Variants in CRB1 observed in about 807,000 individuals in gnomAD.
The protein encoded by CRB1 is crumbs cell polarity complex component 1.
In CRB1, 83 loss-of-function variants were observed where a neutral mutation model predicts 120.0. That is an observed-to-expected ratio of 0.69 (90% CI 0.58 to 0.83). The LOEUF (loss-of-function observed/expected upper bound fraction) is 0.83. Among genes scored for constraint, CRB1 ranks in the 40% least tolerant of loss-of-function variants. The pLI, the probability that CRB1 is intolerant of heterozygous loss-of-function variation, is 0.00. For synonymous variants in CRB1, 625 were observed against 612.5 expected (o/e 1.02, Z -0.30); for missense variants, 1,699 against 1,687.6 (o/e 1.01, Z -0.12).
Position 197,434,637 on chromosome 1 carries a change from TTAA to T in CRB1, c.2843-65_2843-63del, listed in dbSNP as rs1468899893. On this transcript the variant is annotated intron_variant, in intron 8 of 11. Coordinates refer to ENST00000367400, the MANE Select transcript of CRB1 (RefSeq NM_201253.3). ...GTTATTAACACAATGATCATTACTA[TTAA>T]TAACGGTAATTAAGCAAACTATAGA... 17 of 1,316,424 alleles carry T rather than the reference TTAA, an allele frequency of 1.3e-5. No individual in the cohort carries two copies. In the South Asian group the frequency reaches 1.3e-4, roughly 10 times the overall value. The allele number at this position is 1,316,424 out of a possible 1,614,324, so 81.5% of individuals were successfully genotyped here.
intron 5 of CRB1, among the ~76,000 whole-genome samples, chr1:197,411,789 G>C (rs1663726074): frequency 6.6e-6 from 1 of 152,114 alleles, no homozygotes; most frequent in South Asian, 2.1e-4. Context: ...TTTAGTTTAA[G>C]TTCAAGGGTA....
chr1:197,247,374 T>C, the CRB1 span, among the ~76,000 whole-genome samples: 2 of 152,104 alleles, frequency 1.3e-5, no homozygotes, highest in Non-Finnish European at 2.9e-5. Flanking sequence ...TGTTGTAATG[T>C]TGACCATAAG....
At chr1:197,419,961 A>G (rs577601796) in intron 5 of CRB1, among the ~76,000 whole-genome samples, 6 of 150,240 alleles carry the variant, frequency 4.0e-5, no homozygotes, top group African/African-American at 9.8e-5. Flanking sequence ...AGCCTGGGCG[A>G]CAGAGCGAGA....
chr1:197,407,427 G>A (rs1268344978), intron 5 of CRB1, among the ~76,000 whole-genome samples: 1 of 152,168 alleles, frequency 6.6e-6, no homozygotes, highest in Non-Finnish European at 1.5e-5. Flanking sequence ...TTTAGGAACA[G>A]TTTAAATGCC....
At chr1:197,260,758 G>C in the CRB1 span, among the ~76,000 whole-genome samples, 1 of 151,718 alleles carries the variant, frequency 6.6e-6, no homozygotes, top group African/African-American at 2.4e-5. Context: ...GTGCGGTAGG[G>C]AGATCCTGGC....
chr1:197,453,365 T>A (rs999270344), intron 11 of CRB1, among the ~76,000 whole-genome samples: 6 of 147,478 alleles, frequency 4.1e-5, no homozygotes, highest in Non-Finnish European at 3.0e-5. Context: ...TTAATATACA[T>A]AATTAAATTA....
intron 5 of CRB1, chr1:197,363,936 G>A: frequency 1.5e-6 from 2 of 1,317,774 alleles, no homozygotes; most frequent in Non-Finnish European, 1.1e-6. Flanking sequence ...AGGACATTAA[G>A]CTTCGGCGGT....
chr1:197,425,601 TG>T (rs746325763), intron 6 of CRB1, among the ~76,000 whole-genome samples: 1 of 152,156 alleles, frequency 6.6e-6, no homozygotes, highest in Non-Finnish European at 1.5e-5. Flanking sequence ...GCAAAATCAA[TG>T]GTCAATTCTG....
At position 197,435,524 on chromosome 1, in the gene CRB1, C is replaced by T; in HGVS notation, c.3661C>T (p.His1221Tyr). Residue 1221 changes from histidine to tyrosine, a missense_variant, in exon 9 of 12, where the codon CAC becomes TAC. Physicochemically the swap from His to Tyr is moderately conservative, Grantham distance 83 (BLOSUM62 2). Transcript: ENST00000367400. ...AGTGGATATAGACAACTGCCAGAGT[C>T]ACCAGTGTGCAAATGGAGCCACCTG... is the stretch of plus-strand genomic sequence containing the variant. ...CEVDIDNCQS[H>Y]QCANGATCIS... 1 of 1,612,712 alleles carries T rather than the reference C, an allele frequency of 6.2e-7. No individual in the cohort carries two copies. Among genetic ancestry groups the T allele is most frequent in the Non-Finnish European group, 8.5e-7 (1 of 1,179,324 alleles).
At chr1:197,431,511 A>G (rs913645413) in intron 8 of CRB1, among the ~76,000 whole-genome samples, 2 of 152,198 alleles carry the variant, frequency 1.3e-5, no homozygotes, top group African/African-American at 4.8e-5. Flanking sequence ...TAGAAATACT[A>G]AAGTTGTTAG....
chr1:197,451,214 A>T (rs1273152348), intron 11 of CRB1, among the ~76,000 whole-genome samples: 1 of 152,212 alleles, frequency 6.6e-6, no homozygotes, highest in Non-Finnish European at 1.5e-5. Flanking sequence ...GACATTTCTT[A>T]AGCATCTGTG....
In CRB1 at chr1:197,375,953, A is replaced by C. The variant is rs113885737; in HGVS notation, c.1171+18940A>C. Among the ~76,000 whole-genome samples, 481 of 152,218 alleles carry C rather than the reference A, an allele frequency of 3.2e-3. 1 individual carries two copies. Among genetic ancestry groups the C allele is most frequent in the African/African-American group, 0.011 (441 of 41,534 alleles). On this transcript the variant is annotated intron_variant, in intron 5 of 11. Transcript: ENST00000367400. ...AAGGCAGTTTTTGTTACTTCGGTGAAAACTTCCCTGTCAACAATTTCCATT... is the reference window on the plus strand; with the variant it reads ...AAGGCAGTTTTTGTTACTTCGGTGACAACTTCCCTGTCAACAATTTCCATT...
chr1:197,210,630 T>C, the CRB1 span, among the ~76,000 whole-genome samples: 61 of 152,132 alleles, frequency 4.0e-4, no homozygotes, highest in South Asian at 0.012. Context: ...TTGCTTCTGC[T>C]TGTCTGGAAA....
At chr1:197,357,332 G>A (rs947670538) in intron 5 of CRB1, 5 of 388,044 alleles carry the variant, frequency 1.3e-5, no homozygotes, top group Non-Finnish European at 1.9e-5. Context: ...TATCAAATTT[G>A]ATAATGATGT....
At chr1:197,255,962 A>ATT in the CRB1 span, among the ~76,000 whole-genome samples, 32 of 38,710 alleles carry the variant, frequency 8.3e-4, no homozygotes, top group African/African-American at 2.4e-3. Context: ...AATATAGAAC[A>ATT]TTTTATATAT....
At chr1:197,401,639 G>A (rs1381687615) in intron 5 of CRB1, among the ~76,000 whole-genome samples, 1 of 152,056 alleles carries the variant, frequency 6.6e-6, no homozygotes. Flanking sequence ...TAATGTTTAT[G>A]ACCAGTTCTT....
At chr1:197,297,294 G>A (rs1656586698) in intron 1 of CRB1, among the ~76,000 whole-genome samples, 1 of 151,832 alleles carries the variant, frequency 6.6e-6, no homozygotes, top group Admixed American at 6.6e-5. Flanking sequence ...TTCTAGACTT[G>A]AAAAATATTA....
chr1:197,381,843 C>T (rs894726478), intron 5 of CRB1, among the ~76,000 whole-genome samples: 5 of 152,188 alleles, frequency 3.3e-5, no homozygotes, highest in African/African-American at 1.2e-4. Context: ...AGATAATTGA[C>T]TTCCTTAAAA....
At chr1:197,431,069 A>T (rs959021402) in intron 8 of CRB1, among the ~76,000 whole-genome samples, 2 of 151,924 alleles carry the variant, frequency 1.3e-5, no homozygotes, top group African/African-American at 4.8e-5. Flanking sequence ...CTGTCTCAAA[A>T]AAAAATAAAA....
Sources: allele counts gnomAD v4.1 joint callset (sites outside exome capture counted in the v4.1 genomes callset), GRCh38; gene constraint gnomAD v4.1.1; transcripts MANE v1.5; gene names NCBI Gene and HGNC (gene_info 2026-07-23, HGNC 2026-07-21).